GRIA1: variants seen among roughly 807,000 people sequenced by gnomAD.
GRIA1 encodes the protein glutamate ionotropic receptor AMPA type subunit 1.
Under a neutral mutation model 99.2 loss-of-function variants are expected in GRIA1, and 31 were observed. The ratio of observed to expected loss-of-function variants is 0.31; its 90% CI spans 0.23 to 0.42. GRIA1 has a LOEUF of 0.42. Ranked by LOEUF, GRIA1 falls within the 10% of genes least tolerant of loss-of-function variation. GRIA1 has a pLI of 1.00. For synonymous variants in GRIA1, 438 were observed against 432.4 expected (o/e 1.01, Z -0.16); for missense variants, 782 against 1,157.5 (o/e 0.68, Z 4.71).
chr5:153,577,009 G>A (rs1190609485), intron 2 of GRIA1, among the ~76,000 whole-genome samples: 2 of 149,598 alleles, frequency 1.3e-5, no homozygotes, highest in Non-Finnish European at 3.0e-5. Context: ...TGGATGGATG[G>A]ATGGATGGAT....
chr5:153,602,231 A>G (rs989529418), intron 2 of GRIA1, among the ~76,000 whole-genome samples: 3 of 151,936 alleles, frequency 2.0e-5, no homozygotes, highest in Non-Finnish European at 2.9e-5. Context: ...TCCTTTGTAG[A>G]GACATGGATG....
chr5:153,732,444 C>T (rs1561810985), intron 11 of GRIA1, among the ~76,000 whole-genome samples: 2 of 152,068 alleles, frequency 1.3e-5, no homozygotes, highest in Non-Finnish European at 2.9e-5. Context: ...ATCTCTCATT[C>T]TGATTTTGAT....
chr5:153,584,587 A>C (rs968701483), intron 2 of GRIA1, among the ~76,000 whole-genome samples: 5 of 152,214 alleles, frequency 3.3e-5, no homozygotes, highest in African/African-American at 9.6e-5. Flanking sequence ...CCCAAATGAT[A>C]GAGCTCTAGG....
intron 2 of GRIA1, among the ~76,000 whole-genome samples, chr5:153,547,492 C>A (rs753310994): frequency 4.6e-5 from 7 of 152,152 alleles, no homozygotes; most frequent in Non-Finnish European, 5.9e-5. Context: ...AACCTTCTAC[C>A]CTTCCTAGCT....
At position 153,811,344 on chromosome 5, in the gene GRIA1, C is replaced by A; in HGVS notation, c.*119C>A. On this transcript the variant is annotated 3_prime_UTR_variant, in exon 16 of 16. Coordinates refer to ENST00000285900, the MANE Select transcript of GRIA1 (RefSeq NM_000827.4). The stretch of plus-strand genomic sequence containing the variant: ...CAACCACCACCAACCACTGCGACCA[C>A]AAGAAGGATGATTCAACAGGTTTTC... The A allele has an allele frequency of 1.5e-6, 1 of 680,060 alleles. No individual in the cohort carries two copies. The highest frequency in any genetic ancestry group is 3.2e-4 in the Middle Eastern group (1 of 3,170). 42.1% of individuals were successfully genotyped at this position (680,060 alleles called of 1,614,324 possible).
At chr5:153,582,556 G>T (rs754657681) in intron 2 of GRIA1, among the ~76,000 whole-genome samples, 1 of 152,080 alleles carries the variant, frequency 6.6e-6, no homozygotes, top group Non-Finnish European at 1.5e-5. Flanking sequence ...TGACAGCATG[G>T]TTCCATCGTT....
chr5:153,555,797 TTCCCCA>T (rs1760584315), intron 2 of GRIA1, among the ~76,000 whole-genome samples: 1 of 152,218 alleles, frequency 6.6e-6, no homozygotes, highest in Non-Finnish European at 1.5e-5. Flanking sequence ...TTGATAACTC[TTCCCCA>T]GCTGAAAGTC....
intron 2 of GRIA1, among the ~76,000 whole-genome samples, chr5:153,533,557 ACTTGTGTC>A (rs1296135461): frequency 6.6e-6 from 1 of 152,168 alleles, no homozygotes; most frequent in Non-Finnish European, 1.5e-5. Context: ...TTCTCAAGAA[ACTTGTGTC>A]TCAGCTTCAG....
At chr5:153,596,786 TCTC>T (rs1318246069) in intron 2 of GRIA1, among the ~76,000 whole-genome samples, 2 of 152,244 alleles carry the variant, frequency 1.3e-5, no homozygotes, top group Non-Finnish European at 2.9e-5. Context: ...TGCCAGTTAT[TCTC>T]CTTCCTTTTC....
At chr5:153,610,757 G>A (rs1765910904) in intron 2 of GRIA1, among the ~76,000 whole-genome samples, 2 of 152,212 alleles carry the variant, frequency 1.3e-5, no homozygotes, top group South Asian at 4.1e-4. Context: ...GGGTTTTTGT[G>A]AGGATTTTAA....
chr5:153,670,743 C>A (rs9324754), intron 5 of GRIA1, among the ~76,000 whole-genome samples: 89,139 of 151,724 alleles, frequency 0.59, 26,958 homozygotes, highest in Middle Eastern at 0.66. Context: ...GAGAGTTCCC[C>A]GGGGAACAGA....
chr5:153,531,833 C>T (rs1758122773), intron 2 of GRIA1, among the ~76,000 whole-genome samples: 1 of 152,138 alleles, frequency 6.6e-6, no homozygotes, highest in Admixed American at 6.5e-5. Flanking sequence ...CTTCCTAAAA[C>T]AACCTCATAA....
At chr5:153,684,700 A>G (rs1468708298) in intron 7 of GRIA1, among the ~76,000 whole-genome samples, 1 of 152,222 alleles carries the variant, frequency 6.6e-6, no homozygotes. Flanking sequence ...TACTGAGGTG[A>G]TAAGAAGGTG....
intron 3 of GRIA1, among the ~76,000 whole-genome samples, chr5:153,648,869 C>T (rs1260389641): frequency 6.7e-6 from 1 of 150,370 alleles, no homozygotes; most frequent in Non-Finnish European, 1.5e-5. Context: ...GTTGCAATCG[C>T]TAGAACCTGC....
intron 2 of GRIA1, among the ~76,000 whole-genome samples, chr5:153,579,658 A>G (rs956122743): frequency 6.6e-6 from 1 of 152,230 alleles, no homozygotes; most frequent in African/African-American, 2.4e-5. Flanking sequence ...TTCTCAAAGC[A>G]TGTTTTTCTC....
intron 2 of GRIA1, among the ~76,000 whole-genome samples, chr5:153,589,346 G>A (rs1172229385): frequency 6.6e-6 from 1 of 152,068 alleles, no homozygotes; most frequent in Non-Finnish European, 1.5e-5. Flanking sequence ...CTTCAAATGT[G>A]AATTAATTTA....
At chr5:153,719,932 T>G (rs1466902072) in intron 11 of GRIA1, among the ~76,000 whole-genome samples, 1 of 152,198 alleles carries the variant, frequency 6.6e-6, no homozygotes, top group African/African-American at 2.4e-5. Flanking sequence ...AAAAGGCATG[T>G]GCTCTCTCTC....
intron 2 of GRIA1, among the ~76,000 whole-genome samples, chr5:153,612,630 G>A (rs1174178868): frequency 6.6e-6 from 1 of 152,204 alleles, no homozygotes; most frequent in African/African-American, 2.4e-5. Flanking sequence ...CTGGCAAATA[G>A]GGAAGTAGTT....
intron 2 of GRIA1, among the ~76,000 whole-genome samples, chr5:153,561,748 C>T (rs1020778174): frequency 1.3e-5 from 2 of 152,154 alleles, no homozygotes; most frequent in Non-Finnish European, 2.9e-5. Flanking sequence ...CCATCATCAC[C>T]ATCACCACCA....
Sources: gnomAD v4.1 joint callset for allele counts (sites outside exome capture counted in the v4.1 genomes callset) on GRCh38, gnomAD v4.1.1 for gene constraint, MANE v1.5 for transcripts, NCBI Gene and HGNC (gene_info 2026-07-23, HGNC 2026-07-21) for gene names.